The following PTTG1IP variants were observed in gnomAD, a reference collection of about 807,000 sequenced individuals.
The protein encoded by PTTG1IP is PTTG1 interacting protein, also known as pituitary tumor-transforming gene 1 protein-interacting protein.
Under a neutral mutation model 24.4 loss-of-function variants are expected in PTTG1IP, and 16 were observed. The ratio of observed to expected loss-of-function variants is 0.66; its 90% CI spans 0.44 to 1.00. PTTG1IP has a LOEUF of 1.00. PTTG1IP is among the 50% of genes least tolerant of loss of function. The pLI, the probability that PTTG1IP is intolerant of heterozygous loss-of-function variation, is 0.00. For missense variants in PTTG1IP, 241 were observed against 245.8 expected (o/e 0.98, Z 0.13); for synonymous variants, 89 against 96.8 (o/e 0.92, Z 0.47).
At chr21:44,862,500 C>T (rs2083499920) in intron 2 of PTTG1IP, among the ~76,000 whole-genome samples, 1 of 152,036 alleles carries the variant, frequency 6.6e-6, no homozygotes, top group South Asian at 2.1e-4. Context: ...GCCTGGGCAA[C>T]AAGAGTGAAA....
At position 44,856,394 on chromosome 21, in the gene PTTG1IP, C is replaced by T. The variant is rs201410245; in HGVS notation, c.278-30G>A. On this transcript the variant is annotated intron_variant, in intron 3 of 5. Coordinates refer to ENST00000330938, the MANE Select transcript of PTTG1IP (RefSeq NM_004339.4). ...AGATTCAAGCACCTGGAGTTAGGGC[C>T]GCCCCAGACACAGAACCCACCCAGC... 1.1e-5 allele frequency: 17 copies of T among 1,588,712 alleles called. No individual in the cohort carries two copies. The East Asian group carries it at 2.9e-4, about 27-fold the overall frequency.
chr21:44,852,297 C>T (rs1488672451), intron 5 of PTTG1IP, among the ~76,000 whole-genome samples: 1 of 152,132 alleles, frequency 6.6e-6, no homozygotes, highest in Non-Finnish European at 1.5e-5. Context: ...ATTCTCCTGC[C>T]TCAGCCTCCG....
chr21:44,865,373 C>T (rs2083527451), intron 2 of PTTG1IP, 22 bp downstream of exon 2: 3 of 1,613,200 alleles, frequency 1.9e-6, no homozygotes, highest in Non-Finnish European at 2.5e-6. Flanking sequence ...GCACTCTGGT[C>T]TCTAGTCCAC....
Position 44,855,212 on chromosome 21 carries a change from T to G in PTTG1IP, c.494A>C (p.Tyr165Ser), listed in dbSNP as rs769596172. 1.2e-6 allele frequency: 2 copies of G among 1,610,396 alleles called. No individual in the cohort carries two copies. Among genetic ancestry groups the G allele is most frequent in the Non-Finnish European group, 1.7e-6 (2 of 1,176,634 alleles). ...AAGGAGGCGTGACCAGTCCTTACCA[T>G]ATTTTTTTCTGATTTCATCATGTCT... The part of the protein sequence containing the change: ...KTRHDEIRKK[Y>S]GLFKEENPYA... The change falls in exon 5 of 6, where the codon TAT becomes TCT. Residue 165 changes from tyrosine (Y) to serine (S), a missense_variant and splice_region_variant. Tyr to Ser is a moderately radical substitution (Grantham distance 144, BLOSUM62 -2). Transcript: ENST00000330938.
At chr21:44,855,075 T>G in intron 5 of PTTG1IP, 135 bp downstream of exon 5, 1 of 905,900 alleles carries the variant, frequency 1.1e-6, no homozygotes, top group Non-Finnish European at 1.7e-6. Context: ...CAGCTGCTCC[T>G]CTCTGGAGAG....
At chr21:44,855,546 T>C (rs1015043679) in intron 4 of PTTG1IP, among the ~76,000 whole-genome samples, 1 of 152,228 alleles carries the variant, frequency 6.6e-6, no homozygotes, top group African/African-American at 2.4e-5. Flanking sequence ...TAAAAAGCTT[T>C]TTTCATACAA....
At chr21:44,869,877 T>C (rs2083570271) in intron 1 of PTTG1IP, among the ~76,000 whole-genome samples, 1 of 152,300 alleles carries the variant, frequency 6.6e-6, no homozygotes, top group African/African-American at 2.4e-5. Flanking sequence ...AGCCCAACAG[T>C]GGCTACAAGT....
At chr21:44,870,312 G>A (rs1396383754) in intron 1 of PTTG1IP, among the ~76,000 whole-genome samples, 1 of 152,116 alleles carries the variant, frequency 6.6e-6, no homozygotes, top group South Asian at 2.1e-4. Flanking sequence ...AGGCCGAGGT[G>A]GGCAGATCAC....
chr21:44,867,496 G>GT (rs1159693069), intron 1 of PTTG1IP, among the ~76,000 whole-genome samples: 3 of 152,336 alleles, frequency 2.0e-5, no homozygotes, highest in Non-Finnish European at 4.4e-5. Context: ...CTATGTGGGT[G>GT]TAACTCACTG....
chr21:44,867,421 C>G (rs891263156), intron 1 of PTTG1IP, among the ~76,000 whole-genome samples: 65 of 151,090 alleles, frequency 4.3e-4, no homozygotes, highest in African/African-American at 1.6e-3. Flanking sequence ...GCAATGGCTG[C>G]CTGGGGGACG....
At chr21:44,859,927 C>A (rs994948599) in intron 3 of PTTG1IP, among the ~76,000 whole-genome samples, 6 of 152,298 alleles carry the variant, frequency 3.9e-5, no homozygotes, top group South Asian at 2.1e-4. Context: ...CAAAAAGAAT[C>A]ATCAAAACAC....
Position 44,873,657 on chromosome 21 carries a change from T to C in PTTG1IP, c.-41A>G, listed in dbSNP as rs1357883226. 3 of 1,335,434 alleles carry C rather than the reference T, an allele frequency of 2.2e-6. No individual in the cohort carries two copies. Among genetic ancestry groups the C allele is most frequent in the African/African-American group, 1.5e-5 (1 of 65,290 alleles). The allele number at this position is 1,335,434 out of a possible 1,614,324, so 82.7% of individuals were successfully genotyped here. ...CTATCAGTCAGTGGAGCGTTACAACTCCGACTCCAGCACAAGCGGTCTCCG... is the reference window on the plus strand; with the variant it reads ...CTATCAGTCAGTGGAGCGTTACAACCCCGACTCCAGCACAAGCGGTCTCCG... On this transcript the variant is annotated 5_prime_UTR_variant, in exon 1 of 6. Transcript: ENST00000330938.
Position 44,864,776 on chromosome 21 carries a change from T to C in PTTG1IP, c.168+619A>G, listed in dbSNP as rs144279935. 1.8e-3 allele frequency among the ~76,000 whole-genome samples: 280 copies of C among 152,358 alleles called. 2 individuals carry two copies. Among genetic ancestry groups the C allele is most frequent in the African/African-American group, 6.6e-3 (273 of 41,588 alleles). ...GTGCTCCTTCTTCCAGGTGGGCATC[T>C]GCATCAGTCTCCATCGGGAAGGCAC... On this transcript the variant is annotated intron_variant, in intron 2 of 5. Coordinates refer to ENST00000330938, the MANE Select transcript of PTTG1IP (RefSeq NM_004339.4).
At chr21:44,872,984 G>C (rs1488006004) in intron 1 of PTTG1IP, 1 of 152,328 alleles carries the variant, frequency 6.6e-6, no homozygotes, top group East Asian at 1.9e-4. Flanking sequence ...AACTGCGGCC[G>C]GGAGGGAGTG....
At position 44,861,243 on chromosome 21, in the gene PTTG1IP, C is replaced by T. The variant is rs1261052873; in HGVS notation, c.197G>A (p.Cys66Tyr). 6.2e-7 allele frequency: 1 copy of T among 1,614,132 alleles called. No individual in the cohort carries two copies. The highest frequency in any genetic ancestry group is 2.2e-5 in the East Asian group (1 of 44,886). ...SCLWCNTNKA[C>Y]LDYPVTSVLP... ...GACGCTTGTAACTGGGTAGTCCAGA[C>T]AAGCCTTGTTAGTGTTGCACCAAAG... The change falls in exon 3 of 6, where the codon TGT becomes TAT. Residue 66 changes from cysteine (C) to tyrosine (Y), a missense_variant. Transcript: ENST00000330938.
Position 44,853,463 on chromosome 21 carries a change from G to A in PTTG1IP, c.496+1747C>T, listed in dbSNP as rs558139244. On this transcript the variant is annotated intron_variant, in intron 5 of 5. Transcript: ENST00000330938. ...GCAGAGCTTGCAGTGAGCTGACATC[G>A]CGCCACTGCACTCCAGCCTGGGCGA... is the stretch of plus-strand genomic sequence containing the variant. Among the ~76,000 whole-genome samples the A allele has an allele frequency of 3.8e-4, 56 of 148,692 alleles. No homozygotes were observed. The South Asian group carries it at 6.6e-3, about 17-fold the overall frequency.
intron 1 of PTTG1IP, among the ~76,000 whole-genome samples, chr21:44,867,647 G>A (rs554806658): frequency 1.3e-5 from 2 of 152,366 alleles, no homozygotes; most frequent in East Asian, 1.9e-4. Flanking sequence ...TGATGCTCAC[G>A]TCTGTGACTG....
intron 4 of PTTG1IP, among the ~76,000 whole-genome samples, 183 bp from the exon 5 acceptor site, chr21:44,855,439 G>C (rs544829796): frequency 7.8e-4 from 119 of 152,284 alleles, no homozygotes; most frequent in African/African-American, 2.4e-3. Context: ...CACCAGGACA[G>C]GCAAGGTGAC....
chr21:44,853,475 T>C (rs1221505442), intron 5 of PTTG1IP, among the ~76,000 whole-genome samples: 1 of 137,220 alleles, frequency 7.3e-6, no homozygotes, highest in East Asian at 2.1e-4. Flanking sequence ...GCCACTGCAC[T>C]CCAGCCTGGG....
Sources: allele counts gnomAD v4.1 joint callset (sites outside exome capture counted in the v4.1 genomes callset), GRCh38; gene constraint gnomAD v4.1.1; transcripts MANE v1.5; gene names NCBI Gene and HGNC (gene_info 2026-07-23, HGNC 2026-07-21).